Variants in FSTL5 observed in about 807,000 individuals in gnomAD.
FSTL5 encodes the protein follistatin like 5, also known as follistatin-related protein 5.
FSTL5 carries 62 observed loss-of-function variants against 89.1 expected under a neutral mutation model. That is an observed-to-expected ratio of 0.70 (90% CI 0.57 to 0.86). The LOEUF is 0.86. Among genes scored for constraint, FSTL5 ranks in the 40% least tolerant of loss-of-function variants. The pLI, the probability that FSTL5 is intolerant of heterozygous loss-of-function variation, is 0.00. For missense variants in FSTL5, 1,057 were observed against 1,001.6 expected (o/e 1.06, Z -0.75); for synonymous variants, 383 against 346.2 (o/e 1.11, Z -1.18).
At chr4:162,055,238 T>C (rs999628595) in intron 2 of FSTL5, among the ~76,000 whole-genome samples, 6 of 151,862 alleles carry the variant, frequency 4.0e-5, no homozygotes, top group Admixed American at 2.6e-4. Context: ...TTTAAAAATA[T>C]ATATATTTTC....
chr4:161,885,507 A>G (rs1254660922), intron 4 of FSTL5, among the ~76,000 whole-genome samples: 1 of 152,134 alleles, frequency 6.6e-6, no homozygotes, highest in Non-Finnish European at 1.5e-5. Context: ...GTGCAGTGGT[A>G]CAATCTTGGC....
chr4:162,043,124 G>A (rs538575495), intron 2 of FSTL5: 1 of 152,074 alleles, frequency 6.6e-6, no homozygotes, highest in Non-Finnish European at 1.5e-5. Context: ...CAACAAAAAA[G>A]AAAATGTTCT....
chr4:161,901,430 G>A (rs1424144594), intron 4 of FSTL5, among the ~76,000 whole-genome samples: 1 of 152,164 alleles, frequency 6.6e-6, no homozygotes, highest in Non-Finnish European at 1.5e-5. Flanking sequence ...AGTGAGCAGA[G>A]AGGGGGAGTG....
At chr4:161,637,602 A>G (rs1735771309) in intron 7 of FSTL5, among the ~76,000 whole-genome samples, 2 of 140,228 alleles carry the variant, frequency 1.4e-5, no homozygotes, top group South Asian at 4.8e-4. Flanking sequence ...TTTAGGTCTA[A>G]CGTTTAAATC....
At chr4:161,741,119 A>AC (rs1254981619) in intron 6 of FSTL5, among the ~76,000 whole-genome samples, 1 of 152,206 alleles carries the variant, frequency 6.6e-6, no homozygotes, top group Non-Finnish European at 1.5e-5. Flanking sequence ...GGAGACAAAC[A>AC]CATTCAGACC....
chr4:161,468,938 A>G (rs1733839019), intron 13 of FSTL5, among the ~76,000 whole-genome samples: 1 of 152,220 alleles, frequency 6.6e-6, no homozygotes. Flanking sequence ...TAAATTTGAC[A>G]TGAAATTTAC....
At chr4:161,702,605 A>G (rs1738433297) in intron 6 of FSTL5, among the ~76,000 whole-genome samples, 1 of 152,138 alleles carries the variant, frequency 6.6e-6, no homozygotes, top group Non-Finnish European at 1.5e-5. Flanking sequence ...AAGCTAACAA[A>G]TACACACTTT....
At chr4:161,963,242 C>T (rs1329973064) in intron 3 of FSTL5, among the ~76,000 whole-genome samples, 2 of 151,828 alleles carry the variant, frequency 1.3e-5, no homozygotes, top group East Asian at 3.9e-4. Flanking sequence ...TTTATGTAGA[C>T]TTGTTCTTAA....
intron 8 of FSTL5, among the ~76,000 whole-genome samples, chr4:161,569,699 T>A (rs1453681911): frequency 2.0e-5 from 3 of 151,656 alleles, no homozygotes; most frequent in Non-Finnish European, 4.4e-5. Context: ...AGAGGACATC[T>A]TGGAGGACAC....
intron 4 of FSTL5, among the ~76,000 whole-genome samples, chr4:161,801,514 G>A (rs1021286228): frequency 1.3e-5 from 2 of 151,324 alleles, no homozygotes; most frequent in East Asian, 3.9e-4. Flanking sequence ...TTATCATTCT[G>A]TGTTCCTAAT....
chr4:161,547,610 T>C (rs1252111494), intron 8 of FSTL5, among the ~76,000 whole-genome samples: 2 of 151,900 alleles, frequency 1.3e-5, no homozygotes, highest in African/African-American at 2.4e-5. Context: ...CCATAATATA[T>C]TGAGTTAATT....
intron 15 of FSTL5, among the ~76,000 whole-genome samples, chr4:161,442,047 A>G (rs1732787977): frequency 6.6e-6 from 1 of 152,100 alleles, no homozygotes; most frequent in Admixed American, 6.6e-5. Flanking sequence ...TTATAGTTAT[A>G]TAACTAGGGA....
chr4:161,664,862 A>C, intron 6 of FSTL5: 1 of 185,128 alleles, frequency 5.4e-6, no homozygotes, highest in Non-Finnish European at 1.1e-5. Context: ...GGGAGGTGAA[A>C]GGCAGTTCTT....
At chr4:162,018,466 A>G (rs150510869) in intron 3 of FSTL5, among the ~76,000 whole-genome samples, 435 of 152,242 alleles carry the variant, frequency 2.9e-3, no homozygotes, top group Middle Eastern at 0.01. Flanking sequence ...GTGAATAATT[A>G]TTTCCTCATT....
intron 7 of FSTL5, among the ~76,000 whole-genome samples, chr4:161,605,937 T>C (rs777916898): frequency 1.3e-5 from 2 of 149,554 alleles, no homozygotes; most frequent in East Asian, 1.9e-4. Context: ...AGCAGAGACA[T>C]GGAAAAAGAA....
intron 4 of FSTL5, among the ~76,000 whole-genome samples, chr4:161,886,856 T>G (rs1468239521): frequency 2.6e-5 from 4 of 152,190 alleles, no homozygotes; most frequent in Non-Finnish European, 5.9e-5. Flanking sequence ...AATATTTCTA[T>G]AGCAATTCAG....
At chr4:162,065,643 A>T (rs1247775753) in intron 2 of FSTL5, among the ~76,000 whole-genome samples, 1 of 152,020 alleles carries the variant, frequency 6.6e-6, no homozygotes, top group Non-Finnish European at 1.5e-5. Flanking sequence ...ATTATAGAAA[A>T]AGGTGTGAAG....
At chr4:162,012,128 C>T (rs77753702) in intron 3 of FSTL5, among the ~76,000 whole-genome samples, 2 of 152,190 alleles carry the variant, frequency 1.3e-5, no homozygotes, top group East Asian at 3.9e-4. Context: ...GTAATATCCA[C>T]GAATATACTG....
chr4:161,604,210 T>C (rs1300361270), intron 7 of FSTL5, among the ~76,000 whole-genome samples: 1 of 152,148 alleles, frequency 6.6e-6, no homozygotes, highest in African/African-American at 2.4e-5. Flanking sequence ...AATAGATATT[T>C]TAAGGGTCAT....
Sources: allele counts gnomAD v4.1 joint callset (sites outside exome capture counted in the v4.1 genomes callset), GRCh38; gene constraint gnomAD v4.1.1; transcripts MANE v1.5; gene names NCBI Gene and HGNC (gene_info 2026-07-23, HGNC 2026-07-21).